Variants in GABRB3 observed in about 807,000 individuals in gnomAD.
GABRB3 encodes the protein gamma-aminobutyric acid receptor subunit beta-3.
Under a neutral mutation model 52.1 loss-of-function variants are expected in GABRB3, and 14 were observed. The observed-to-expected ratio is 0.27, with a 90% CI of 0.18 to 0.42. The LOEUF is 0.42. Ranked by LOEUF, GABRB3 falls within the 10% of genes least tolerant of loss-of-function variation. The pLI is 1.00. For synonymous variants in GABRB3, 260 were observed against 232.3 expected (o/e 1.12, Z -1.08); for missense variants, 307 against 609.1 (o/e 0.50, Z 5.22).
intron 3 of GABRB3, among the ~76,000 whole-genome samples, chr15:26,735,395 T>G (rs1890038845): frequency 6.6e-6 from 1 of 152,212 alleles, no homozygotes; most frequent in Non-Finnish European, 1.5e-5. Flanking sequence ...TGGATAAAAC[T>G]GCAGCAACTC....
chr15:26,620,050 T>C (rs1054978493), intron 4 of GABRB3, among the ~76,000 whole-genome samples: 1 of 152,150 alleles, frequency 6.6e-6, no homozygotes, highest in Non-Finnish European at 1.5e-5. Context: ...TCATTCTACA[T>C]TCCCAGGACT....
At chr15:26,718,209 TA>T (rs1889548168) in intron 3 of GABRB3, among the ~76,000 whole-genome samples, 1 of 152,140 alleles carries the variant, frequency 6.6e-6, no homozygotes, top group Non-Finnish European at 1.5e-5. Context: ...CTTATTTATT[TA>T]TTTATTTATT....
chr15:26,557,988 G>A (rs1422625835), intron 8 of GABRB3: 1 of 152,030 alleles, frequency 6.6e-6, no homozygotes, highest in African/African-American at 2.4e-5. Context: ...ACATTTAGAA[G>A]AAAAAAATTT....
At chr15:26,767,446 T>G (rs1891028361) in intron 3 of GABRB3, among the ~76,000 whole-genome samples, 1 of 152,176 alleles carries the variant, frequency 6.6e-6, no homozygotes, top group African/African-American at 2.4e-5. Context: ...TGAGATTTTC[T>G]CTGTAGAGCT....
intron 4 of GABRB3, among the ~76,000 whole-genome samples, chr15:26,610,739 G>A (rs894117269): frequency 6.5e-4 from 99 of 152,260 alleles, no homozygotes; most frequent in African/African-American, 2.4e-3. Flanking sequence ...TTACCTATCA[G>A]AACAAATTTT....
At chr15:26,556,411 G>A (rs1889753575) in intron 8 of GABRB3, among the ~76,000 whole-genome samples, 1 of 152,196 alleles carries the variant, frequency 6.6e-6, no homozygotes, top group Non-Finnish European at 1.5e-5. Context: ...ATGAAATCTT[G>A]CTCTTTAGTA....
At chr15:26,601,025 T>C (rs1891567006) in intron 4 of GABRB3, among the ~76,000 whole-genome samples, 1 of 152,174 alleles carries the variant, frequency 6.6e-6, no homozygotes. Context: ...TAATCAAAAT[T>C]GGCTGTTATC....
chr15:26,595,269 T>C (rs1891356088), intron 4 of GABRB3, among the ~76,000 whole-genome samples: 1 of 152,172 alleles, frequency 6.6e-6, no homozygotes, highest in Non-Finnish European at 1.5e-5. Context: ...CTTCAGTCTT[T>C]CAGGCATCCT....
At chr15:26,648,999 G>A (rs566838234) in intron 3 of GABRB3, among the ~76,000 whole-genome samples, 2 of 152,182 alleles carry the variant, frequency 1.3e-5, no homozygotes, top group South Asian at 2.1e-4. Flanking sequence ...AAACAGCAAA[G>A]AGCTAAGAGA....
intron 8 of GABRB3, among the ~76,000 whole-genome samples, chr15:26,552,757 C>T (rs1034546147): frequency 6.6e-6 from 1 of 152,158 alleles, no homozygotes; most frequent in African/African-American, 2.4e-5. Context: ...GCATCTTCTA[C>T]CGTACCTTGT....
chr15:26,637,552 T>C (rs1396245802), intron 3 of GABRB3, among the ~76,000 whole-genome samples: 1 of 152,216 alleles, frequency 6.6e-6, no homozygotes, highest in Non-Finnish European at 1.5e-5. Flanking sequence ...AACAAGTGTG[T>C]AGAAGTTCTG....
At chr15:26,559,574 G>A (rs578028504) in intron 8 of GABRB3, among the ~76,000 whole-genome samples, 1 of 152,088 alleles carries the variant, frequency 6.6e-6, no homozygotes, top group East Asian at 1.9e-4. Flanking sequence ...GGATTTGAGG[G>A]GATAGAAGAG....
intron 3 of GABRB3, among the ~76,000 whole-genome samples, chr15:26,724,032 T>C (rs1432011170): frequency 1.3e-5 from 2 of 152,204 alleles, no homozygotes; most frequent in Non-Finnish European, 2.9e-5. Context: ...CCACATTTCA[T>C]TGGCTGCTAC....
chr15:26,642,353 A>G (rs1893225893), intron 3 of GABRB3: 8 of 490,416 alleles, frequency 1.6e-5, no homozygotes, highest in South Asian at 1.3e-4. Context: ...ATTTTGGTGT[A>G]CTTGGAGGTA....
chr15:26,737,550 A>G (rs897240692), intron 3 of GABRB3, among the ~76,000 whole-genome samples: 9 of 152,228 alleles, frequency 5.9e-5, no homozygotes, highest in African/African-American at 1.2e-4. Context: ...AAAGAAGTAC[A>G]CAGAATAAAC....
intron 3 of GABRB3, among the ~76,000 whole-genome samples, chr15:26,737,182 T>A (rs1890087393): frequency 6.6e-6 from 1 of 152,184 alleles, no homozygotes; most frequent in Non-Finnish European, 1.5e-5. Flanking sequence ...GTGGTCCCTG[T>A]CTGTGTGATT....
At chr15:26,554,169 ATATAAAG>A (rs1339335898) in intron 8 of GABRB3, among the ~76,000 whole-genome samples, 1 of 25,500 alleles carries the variant, frequency 3.9e-5, no homozygotes, top group South Asian at 2.8e-3. Flanking sequence ...AAGTATATAT[ATATAAAG>A]TATATATATA....
intron 6 of GABRB3, among the ~76,000 whole-genome samples, chr15:26,574,770 C>G (rs1430563991): frequency 6.6e-6 from 1 of 152,176 alleles, no homozygotes; most frequent in South Asian, 2.1e-4. Context: ...GGATACAGGG[C>G]TTCTTTTTGG....
intron 6 of GABRB3, among the ~76,000 whole-genome samples, chr15:26,570,967 C>T (rs1045620784): frequency 1.3e-5 from 2 of 152,080 alleles, no homozygotes; most frequent in African/African-American, 4.8e-5. Flanking sequence ...TGAATAAATA[C>T]TTCTGAAGGC....
Sources: allele counts gnomAD v4.1 joint callset (sites outside exome capture counted in the v4.1 genomes callset), GRCh38; gene constraint gnomAD v4.1.1; transcripts MANE v1.5; gene names NCBI Gene and HGNC (gene_info 2026-07-23, HGNC 2026-07-21).